Variants in ETFRF1 observed in about 807,000 individuals in gnomAD.
The protein encoded by ETFRF1 is electron transfer flavoprotein regulatory factor 1, also known as LYR motif containing 5.
ETFRF1 carries 12 observed loss-of-function variants against 9.0 expected under a neutral mutation model. The observed-to-expected ratio is 1.34, with a 90% confidence interval of 0.86 to 2.16. The LOEUF (loss-of-function observed/expected upper bound fraction) is 2.16. Ranked by LOEUF, ETFRF1 falls within the 30% of genes most tolerant of loss-of-function variation. The probability of loss-of-function intolerance (pLI) is 0.00; values close to 1 mark genes in which losing one functional copy is unlikely to be tolerated. For synonymous variants in ETFRF1, 34 were observed against 33.2 expected (o/e 1.02, Z -0.08); for missense variants, 98 against 101.8 (o/e 0.96, Z 0.16).
At chr12:25,199,619 T>TACACACACAC (rs56221882) in intron 1 of ETFRF1, among the ~76,000 whole-genome samples, 1,704 of 143,638 alleles carry the variant, frequency 0.012, 30 homozygotes, top group African/African-American at 0.039. Flanking sequence ...TATGTATACA[T>TACACACACAC]ACACACACAC....
intron 1 of ETFRF1, among the ~76,000 whole-genome samples, chr12:25,198,553 G>C (rs1367811452): frequency 1.3e-5 from 2 of 152,084 alleles, no homozygotes; most frequent in Non-Finnish European, 2.9e-5. Context: ...AAAGCAATTT[G>C]AAGTAAAACA....
Position 25,195,287 on chromosome 12 carries a change from G to A in ETFRF1, c.-88G>A, listed in dbSNP as rs1002670532. On this transcript the variant is annotated 5_prime_UTR_variant, in exon 1 of 3. Transcript: ENST00000381356. ...ACGCCACCCCGCTTCGCAGTAGACG[G>A]ACAGAGGAGTCGTAGCGGTCGAGGC... 3.2e-6 allele frequency: 2 copies of A among 626,674 alleles called. No individual in the cohort carries two copies. The highest frequency in any genetic ancestry group is 3.7e-5 in the South Asian group (2 of 53,684). The allele number at this position is 626,674 out of a possible 1,614,324, so 38.8% of individuals were successfully genotyped here.
At chr12:25,198,531 G>C (rs1464931244) in intron 1 of ETFRF1, among the ~76,000 whole-genome samples, 1 of 152,054 alleles carries the variant, frequency 6.6e-6, no homozygotes, top group Non-Finnish European at 1.5e-5. Flanking sequence ...GATAGAGACA[G>C]AAGCAAGCAG....
intron 1 of ETFRF1, among the ~76,000 whole-genome samples, chr12:25,197,017 G>A (rs1565873117): frequency 6.6e-6 from 1 of 152,042 alleles, no homozygotes; most frequent in Non-Finnish European, 1.5e-5. Flanking sequence ...TTAGCCGGGC[G>A]TGGTGATCAG....
chr12:25,197,948 A>T (rs1951043567), intron 1 of ETFRF1, among the ~76,000 whole-genome samples: 1 of 152,200 alleles, frequency 6.6e-6, no homozygotes, highest in Non-Finnish European at 1.5e-5. Flanking sequence ...AATTGGAAAA[A>T]TGGGGACAGG....
rs754746275 is a variant in ETFRF1 at position 25,204,322 on chromosome 12, CTTTAA to C, written c.*15_*19del. On this transcript the variant is annotated 3_prime_UTR_variant, in exon 3 of 3. Coordinates refer to ENST00000381356, the MANE Select transcript of ETFRF1 (RefSeq NM_001001660.3). ...CAACAAAACTAATTGATCATTACTA[CTTTAA>C]TTTAGCTATCAGTGCCAGCTGTTTA... 7.1e-6 allele frequency: 11 copies of C among 1,543,576 alleles called. No homozygotes were observed. The highest frequency in any genetic ancestry group is 8.7e-6 in the Non-Finnish European group (10 of 1,150,296).
intron 1 of ETFRF1, among the ~76,000 whole-genome samples, chr12:25,200,337 TG>T (rs1410319474): frequency 6.6e-6 from 1 of 152,162 alleles, no homozygotes; most frequent in Non-Finnish European, 1.5e-5. Flanking sequence ...GAGGAAATCA[TG>T]AATGAAATCA....
intron 1 of ETFRF1, among the ~76,000 whole-genome samples, chr12:25,196,865 AACTGC>A (rs1951025068): frequency 6.6e-6 from 1 of 152,188 alleles, no homozygotes; most frequent in Non-Finnish European, 1.5e-5. Flanking sequence ...CATAAAGATA[AACTGC>A]ATTGCCTGGT....
chr12:25,199,354 GTA>G (rs1951056115), intron 1 of ETFRF1, among the ~76,000 whole-genome samples: 1 of 236 alleles, frequency 4.2e-3, no homozygotes, highest in South Asian at 0.083. Flanking sequence ...GTAGTATATA[GTA>G]ATATATATAG....
chr12:25,204,142 C>T lies in ETFRF1; in HGVS notation c.103C>T (p.Arg35Cys), dbSNP rs374250883. ...YPKGADYFKK[R>C]LKNIFLKNKD... is the part of the protein sequence containing the mutation. ...AAAAGGAGCAGACTATTTTAAAAAG[C>T]GTTTGAAGAACATTTTCCTTAAAAA... Residue 35 changes from arginine (R) to cysteine (C), a missense_variant, in exon 3 of 3, where the codon CGT becomes TGT. Physicochemically the swap from Arg to Cys is radical, Grantham distance 180. Transcript: ENST00000381356. The T allele has an allele frequency of 2.3e-5, 37 of 1,609,590 alleles. No individual in the cohort carries two copies. Among genetic ancestry groups the T allele is most frequent in the Non-Finnish European group, 3.0e-5 (35 of 1,177,686 alleles).
chr12:25,199,401 A>G (rs1037175573), intron 1 of ETFRF1, among the ~76,000 whole-genome samples: 1 of 149,852 alleles, frequency 6.7e-6, no homozygotes, highest in Non-Finnish European at 1.5e-5. Flanking sequence ...AGTACATACT[A>G]TGTAGTATAT....
intron 1 of ETFRF1, chr12:25,196,195 A>T (rs1950999146): frequency 6.6e-6 from 1 of 152,244 alleles, no homozygotes; most frequent in Non-Finnish European, 1.5e-5. Flanking sequence ...GTTGTGTAAT[A>T]GTTATTAGCA....
In ETFRF1 at chr12:25,204,190, A is replaced by C; in HGVS notation, c.151A>C (p.Lys51Gln). 6.2e-7 allele frequency: 1 copy of C among 1,613,154 alleles called. No homozygotes were observed. Among genetic ancestry groups the C allele is most frequent in the Non-Finnish European group, 8.5e-7 (1 of 1,179,446 alleles). The change falls in exon 3 of 3, where the codon AAG (lysine) becomes CAG (glutamine). Residue 51 changes from lysine (K) to glutamine (Q), a missense_variant. Lys to Gln is a moderately conservative substitution (Grantham distance 53, BLOSUM62 1). Transcript: ENST00000381356. ...AAACAAAGATGTGAAGAATCCAGAG[A>C]AGATCAAAGAACTTATTGCACAGGG... ...LKNKDVKNPE[K>Q]IKELIAQGEF...
chr12:25,202,069 A>AAAAAAAAAAAAAAAAAAAAAAAAAAAT (rs1951078423), intron 1 of ETFRF1, among the ~76,000 whole-genome samples: 1 of 139,958 alleles, frequency 7.1e-6, no homozygotes, highest in Non-Finnish European at 1.5e-5. Flanking sequence ...AATACAAAAA[A>AAAAAAAAAAAAAAAAAAAAAAAAAAAT]AAAAAAAAAA....
chr12:25,204,134 T>G lies in ETFRF1; in HGVS notation c.95T>G (p.Phe32Cys). 1 of 1,607,226 alleles carries G rather than the reference T, an allele frequency of 6.2e-7. No homozygotes were observed. Among genetic ancestry groups the G allele is most frequent in the Non-Finnish European group, 8.5e-7 (1 of 1,176,114 alleles). The change falls in exon 3 of 3, where the codon TTT becomes TGT. Residue 32 changes from phenylalanine (F) to cysteine (C), a missense_variant. Physicochemically the swap from Phe to Cys is radical, Grantham distance 205. Coordinates refer to ENST00000381356, the MANE Select transcript of ETFRF1 (RefSeq NM_001001660.3). ...GACTATCCAAAAGGAGCAGACTATTTTAAAAAGCGTTTGAAGAACATTTTC... is the reference window on the plus strand; with the variant it reads ...GACTATCCAAAAGGAGCAGACTATTGTAAAAAGCGTTTGAAGAACATTTTC... ...GRDYPKGADYFKKRLKNIFLK... is the reference protein window; with the variant it reads ...GRDYPKGADYCKKRLKNIFLK...
rs751319260 is a variant in ETFRF1 at position 25,204,313 on chromosome 12, TCA to T, written c.*2_*3del. On this transcript the variant is annotated 3_prime_UTR_variant, in exon 3 of 3. Transcript: ENST00000381356. ...TTCAGATACCAACAAAACTAATTGA[TCA>T]TTACTACTTTAATTTAGCTATCAGT... 3.2e-6 allele frequency: 5 copies of T among 1,560,006 alleles called. No homozygotes were observed. The highest frequency in any genetic ancestry group is 3.5e-6 in the Non-Finnish European group (4 of 1,159,414).
At position 25,204,420 on chromosome 12, in the gene ETFRF1, C is replaced by G; in HGVS notation, c.*108C>G. The G allele has an allele frequency of 1.2e-6, 1 of 855,360 alleles. No homozygotes were observed. Among genetic ancestry groups the G allele is most frequent in the South Asian group, 2.6e-5 (1 of 37,874 alleles). The allele number at this position is 855,360 out of a possible 1,614,324, so 53.0% of individuals were successfully genotyped here. On this transcript the variant is annotated 3_prime_UTR_variant, in exon 3 of 3. Coordinates refer to ENST00000381356, the MANE Select transcript of ETFRF1 (RefSeq NM_001001660.3). ...AGATATACATGTTGTGTAAAAAATC[C>G]CTGAGCTGCCCTACTGAACTAAATA...
intron 1 of ETFRF1, among the ~76,000 whole-genome samples, chr12:25,202,036 T>C (rs1420388064): frequency 8.9e-6 from 1 of 112,168 alleles, no homozygotes; most frequent in East Asian, 2.6e-4. Context: ...CCGGCCAACA[T>C]GGTGAAACCC....
chr12:25,201,451 G>A (rs1340244285), intron 1 of ETFRF1, among the ~76,000 whole-genome samples: 2 of 152,060 alleles, frequency 1.3e-5, no homozygotes, highest in African/African-American at 2.4e-5. Context: ...CATGAGTGCT[G>A]GGAAAACTAA....
Sources: gnomAD v4.1 joint callset for allele counts (sites outside exome capture counted in the v4.1 genomes callset) on GRCh38, gnomAD v4.1.1 for gene constraint, MANE v1.5 for transcripts, NCBI Gene and HGNC (gene_info 2026-07-23, HGNC 2026-07-21) for gene names.